XIST: variants seen among roughly 807,000 people sequenced by gnomAD.
The protein encoded by XIST is X inactive specific transcript, also known as X inactive specific transcript (non-protein coding).
exon 1 of XIST, chrX:73,843,524 T>C (rs1429075691): frequency 7.2e-6 from 4 of 557,231 alleles, no homozygotes; most frequent in African/African-American, 2.2e-5. Flanking sequence ...GGTTCATTCA[T>C]AATTAACATG....
exon 6 of XIST, chrX:73,822,524 AAAAT>A (rs1474184548): frequency 3.9e-6 from 2 of 514,274 alleles, no homozygotes; most frequent in Non-Finnish European, 7.0e-6. Context: ...TACATGAAAA[AAAAT>A]AAACAGTAAC....
exon 6 of XIST, chrX:73,824,052 T>TC (rs1199644972): frequency 1.3e-5 from 7 of 555,115 alleles, no homozygotes. Context: ...CCAGTTGTTA[T>TC]CTCTAAGGAT....
chrX:73,821,514 A>C (rs750657108), exon 6 of XIST: 1 of 558,268 alleles, frequency 1.8e-6, no homozygotes, highest in South Asian at 2.2e-5. Flanking sequence ...AATGTAAAGC[A>C]AACTAGTGAG....
exon 1 of XIST, chrX:73,847,669 T>G (rs750827262): frequency 9.5e-6 from 5 of 526,148 alleles, no homozygotes; most frequent in Non-Finnish European, 1.4e-5. Context: ...ATTAGACATT[T>G]GAAATGTCTT....
At chrX:73,827,777 C>CT (rs778553200) in exon 6 of XIST, 1 of 539,594 alleles carries the variant, frequency 1.9e-6, no homozygotes, top group African/African-American at 2.3e-5. Context: ...AGAGCCACAT[C>CT]TAGGAGAGCA....
chrX:73,828,467 AAC>A (rs965991557), intron 5 of XIST: 1 of 117,043 alleles, frequency 8.5e-6, no homozygotes, highest in Non-Finnish European at 1.8e-5. Context: ...GAGGATTTAA[AAC>A]ACACAATGTA....
chrX:73,844,638 G>A (rs1311241349), exon 1 of XIST: 3 of 557,086 alleles, frequency 5.4e-6, no homozygotes, highest in Non-Finnish European at 9.7e-6. Context: ...GAAAGATTAT[G>A]CGTAGATGGG....
At chrX:73,851,807 G>A (rs754166212) in exon 1 of XIST, 13 of 558,754 alleles carry the variant, frequency 2.3e-5, no homozygotes, top group Admixed American at 6.6e-5. Context: ...CGAGTTATGC[G>A]GCAAGTCTAA....
exon 1 of XIST, chrX:73,851,677 C>T: frequency 1.8e-6 from 1 of 558,932 alleles, no homozygotes; most frequent in Non-Finnish European, 3.2e-6. Flanking sequence ...CCTAACAAGC[C>T]CCAAATCAAT....
chrX:73,826,380 C>T (rs765071660), exon 6 of XIST: 4 of 557,072 alleles, frequency 7.2e-6, no homozygotes, highest in Non-Finnish European at 1.3e-5. Context: ...AGATTAGATA[C>T]TGACTGGATT....
chrX:73,826,485 T>G (rs1355090038), exon 6 of XIST: 2 of 559,325 alleles, frequency 3.6e-6, no homozygotes. Context: ...GATTTAAAGC[T>G]GGCTCAAGAC....
chrX:73,845,240 G>GGAGACAT (rs1569512473), exon 1 of XIST: 1 of 557,712 alleles, frequency 1.8e-6, no homozygotes. Context: ...GTGTGGCAGG[G>GGAGACAT]GAGGCTTCCA....
exon 1 of XIST, chrX:73,850,943 G>A: frequency 1.8e-6 from 1 of 558,494 alleles, no homozygotes; most frequent in Non-Finnish European, 3.2e-6. Flanking sequence ...GAAAACACCT[G>A]GTGTACCGCC....
At chrX:73,847,724 A>T (rs752275124) in exon 1 of XIST, 4 of 552,683 alleles carry the variant, frequency 7.2e-6, no homozygotes, top group Non-Finnish European at 1.3e-5. Context: ...GCACATTAAG[A>T]GTCATGGATA....
chrX:73,851,764 A>G (rs1603363159), exon 1 of XIST: 1 of 558,687 alleles, frequency 1.8e-6, no homozygotes. Context: ...TTGCCTCCCT[A>G]GTTTAACTTA....
intron 2 of XIST, among the ~76,000 whole-genome samples, chrX:73,834,571 G>A (rs774960822): frequency 2.7e-4 from 30 of 112,364 alleles, no homozygotes; most frequent in African/African-American, 7.8e-4. Flanking sequence ...TTGAGAATCC[G>A]TCATCTTGCA....
At chrX:73,820,879 G>A (rs1277000569) in exon 6 of XIST, 1 of 557,652 alleles carries the variant, frequency 1.8e-6, no homozygotes, top group African/African-American at 2.2e-5. Context: ...AATTATCTTT[G>A]AGGTAGAAGG....
chrX:73,827,288 GACAC>G (rs780596583), exon 6 of XIST: 3 of 555,842 alleles, frequency 5.4e-6, no homozygotes, highest in Non-Finnish European at 9.7e-6. Context: ...TGCCACACAT[GACAC>G]ACACACACGT....
intron 2 of XIST, among the ~76,000 whole-genome samples, chrX:73,836,923 G>A (rs1212019821): frequency 8.9e-6 from 1 of 111,833 alleles, no homozygotes; most frequent in Non-Finnish European, 1.9e-5. Context: ...ACAGAATAAA[G>A]TAATACTGTA....
Sources: allele counts gnomAD v4.1 joint callset (sites outside exome capture counted in the v4.1 genomes callset), GRCh38; gene constraint gnomAD v4.1.1; transcripts MANE v1.5; gene names NCBI Gene and HGNC (gene_info 2026-07-23, HGNC 2026-07-21).